LHPP: variants seen among roughly 807,000 people sequenced by gnomAD.
LHPP encodes the protein phospholysine phosphohistidine inorganic pyrophosphate phosphatase, also known as hLHPP.
LHPP carries 24 observed loss-of-function variants against 30.3 expected under a neutral mutation model. The observed-to-expected ratio is 0.79, with a 90% CI of 0.57 to 1.11. The LOEUF is 1.11. Among genes scored for constraint, LHPP ranks in the 50% most tolerant of loss-of-function variants. The pLI, the probability that LHPP is intolerant of heterozygous loss-of-function variation, is 0.00. For synonymous variants in LHPP, 150 were observed against 157.1 expected (o/e 0.95, Z 0.34); for missense variants, 356 against 367.2 (o/e 0.97, Z 0.25).
In LHPP at chr10:124,596,820, T is replaced by C. The variant is rs1052012634; in HGVS notation, c.717-16444T>C. On this transcript the variant is annotated intron_variant, in intron 6 of 6. Coordinates refer to ENST00000368842, the MANE Select transcript of LHPP (RefSeq NM_022126.4). This position sits in a 1 kb window ranked among gnomAD's most constrained non-coding sequence, Gnocchi z 4.6. Reference sequence around the variant, plus strand: ...TGGTGAATATGAGGTGTCAACCTGATTGGATTGAAGGATGCCTAGATGGCT... The same window carrying C: ...TGGTGAATATGAGGTGTCAACCTGACTGGATTGAAGGATGCCTAGATGGCT... 6.6e-6 allele frequency among the ~76,000 whole-genome samples: 1 copy of C among 152,124 alleles called. No homozygotes were observed. The highest frequency in any genetic ancestry group is 2.1e-4 in the South Asian group (1 of 4,826).
At position 124,562,595 on chromosome 10, in the gene LHPP, G is replaced by A. The variant is rs192747852; in HGVS notation, c.716+45324G>A. On this transcript the variant is annotated intron_variant, in intron 6 of 6. Transcript: ENST00000368842. ...AGATGTCATGAGTCACTAGGGTAAC[G>A]CAATTTAAAGCCACAATGAGACATC... Among the ~76,000 whole-genome samples the A allele has an allele frequency of 2.7e-4, 41 of 152,220 alleles. No homozygotes were observed. The East Asian group carries it at 3.3e-3, about 12-fold the overall frequency.
At chr10:124,534,008 G>T (rs1030162164) in intron 6 of LHPP, among the ~76,000 whole-genome samples, 1 of 148,762 alleles carries the variant, frequency 6.7e-6, no homozygotes, top group Non-Finnish European at 1.5e-5. Flanking sequence ...GCCCATGCAG[G>T]CTCTAACGGC....
chr10:124,568,573 G>A (rs1343164032), intron 6 of LHPP, among the ~76,000 whole-genome samples: 2 of 152,184 alleles, frequency 1.3e-5, no homozygotes, highest in African/African-American at 2.4e-5. Flanking sequence ...GTGGCAAGTC[G>A]TGTTCTGCCA....
chr10:124,574,236 C>T (rs570957532), intron 6 of LHPP, among the ~76,000 whole-genome samples: 105 of 152,348 alleles, frequency 6.9e-4, no homozygotes, highest in African/African-American at 2.5e-3. Context: ...GATCTCAGCG[C>T]GCAGCCACAG....
At chr10:124,479,146 G>A (rs187024422) in intron 1 of LHPP, among the ~76,000 whole-genome samples, 2 of 152,124 alleles carry the variant, frequency 1.3e-5, no homozygotes, top group Non-Finnish European at 2.9e-5. Flanking sequence ...TCCTGGGGAG[G>A]AGGCAGCGTG....
intron 1 of LHPP, among the ~76,000 whole-genome samples, chr10:124,476,801 G>T (rs1272707261): frequency 2.0e-5 from 3 of 152,202 alleles, no homozygotes; most frequent in Non-Finnish European, 2.9e-5. Context: ...GCACCTTGTG[G>T]GTTTCAATTC....
At chr10:124,571,377 A>T (rs1446635717) in intron 6 of LHPP, among the ~76,000 whole-genome samples, 2 of 152,230 alleles carry the variant, frequency 1.3e-5, no homozygotes, top group Non-Finnish European at 2.9e-5. Flanking sequence ...TTTTTGAGTA[A>T]CGAGCGGCCA....
In LHPP at chr10:124,496,831, G is replaced by C; in HGVS notation, c.468-130G>C. On this transcript the variant is annotated intron_variant, in intron 3 of 6. Transcript: ENST00000368842. This position sits in a 1 kb window ranked among gnomAD's most constrained non-coding sequence, Gnocchi z 4.3. ...TGCGGTCATTCTCAGCGTAGCGCCT[G>C]GACTGCCCCTCAGCCGCGGCTTGGC... 1 of 773,470 alleles carries C rather than the reference G, an allele frequency of 1.3e-6. No individual in the cohort carries two copies. The highest frequency in any genetic ancestry group is 2.2e-6 in the Non-Finnish European group (1 of 463,566). The allele number at this position is 773,470 out of a possible 1,614,324, so 47.9% of individuals were successfully genotyped here.
At chr10:124,575,368 G>A (rs1200784912) in intron 6 of LHPP, among the ~76,000 whole-genome samples, 5 of 152,164 alleles carry the variant, frequency 3.3e-5, no homozygotes, top group Non-Finnish European at 7.4e-5. Flanking sequence ...GCACACTGGG[G>A]CTTAGGGCTT....
intron 6 of LHPP, among the ~76,000 whole-genome samples, chr10:124,610,338 A>ATGGAGCGGGTGAGGGTGCTGG (rs1949157045): frequency 3.8e-5 from 1 of 26,086 alleles, no homozygotes; most frequent in Non-Finnish European, 8.3e-5. Context: ...GAGGGTGCTG[A>ATGGAGCGGGTGAGGGTGCTGG]TGGAGCGGGT....
rs1954663879 is a variant in LHPP, at chr10:124,523,674, C to G, written c.716+6403C>G. Among the ~76,000 whole-genome samples the G allele has an allele frequency of 1.3e-5, 2 of 152,258 alleles. No homozygotes were observed. The highest frequency in any genetic ancestry group is 4.2e-4 in the South Asian group (2 of 4,814). ...GCAGGGGGGTCCAGGCTGTGGTGGC[C>G]CTGGTCAGCCTTCCAGGAGTCAGGA... On this transcript the variant is annotated intron_variant, in intron 6 of 6. Transcript: ENST00000368842. This position sits in a 1 kb window ranked among gnomAD's most constrained non-coding sequence, Gnocchi z 4.2.
At chr10:124,582,234 C>T (rs755055122) in intron 6 of LHPP, among the ~76,000 whole-genome samples, 50 of 152,298 alleles carry the variant, frequency 3.3e-4, no homozygotes, top group Middle Eastern at 3.4e-3. Flanking sequence ...GTATGCACCA[C>T]CATTCTTGGT....
At chr10:124,572,467 C>T (rs1424095011) in intron 6 of LHPP, among the ~76,000 whole-genome samples, 1 of 151,994 alleles carries the variant, frequency 6.6e-6, no homozygotes, top group Non-Finnish European at 1.5e-5. Flanking sequence ...CCTGTCAATA[C>T]TAAAGATACA....
Position 124,461,908 on chromosome 10 carries a change from C to T in LHPP, c.46C>T (p.Leu16Phe). Residue 16 changes from leucine to phenylalanine, a missense_variant, in exon 1 of 7, where the codon CTT becomes TTT. By Grantham distance (22) the Leu-to-Phe change is conservative. Coordinates refer to ENST00000368842, the MANE Select transcript of LHPP (RefSeq NM_022126.4). Reference protein sequence around the residue: ...KRLAGVRGVLLDISGVLYDSG... With the variant: ...KRLAGVRGVLFDISGVLYDSG... ...GCTGGCTGGCGTGCGCGGGGTGCTG[C>T]TTGACATCTCGGGCGTGCTGTACGA... 7.2e-6 allele frequency: 9 copies of T among 1,256,382 alleles called. No individual in the cohort carries two copies. The highest frequency in any genetic ancestry group is 9.0e-6 in the Non-Finnish European group (9 of 997,212). 77.8% of individuals were successfully genotyped at this position (1,256,382 alleles called of 1,614,324 possible).
At chr10:124,606,799 C>T (rs1268752360) in intron 6 of LHPP, among the ~76,000 whole-genome samples, 2 of 152,182 alleles carry the variant, frequency 1.3e-5, no homozygotes, top group African/African-American at 4.8e-5. Flanking sequence ...CAGGGAAGGG[C>T]GGAGGGGCTT....
At chr10:124,569,123 G>A (rs1041921917) in intron 6 of LHPP, among the ~76,000 whole-genome samples, 4 of 152,204 alleles carry the variant, frequency 2.6e-5, no homozygotes, top group African/African-American at 9.6e-5. Flanking sequence ...CACTGCCTGG[G>A]TGGGGCTCAT....
intron 6 of LHPP, among the ~76,000 whole-genome samples, chr10:124,533,983 C>T (rs1335511173): frequency 6.6e-6 from 1 of 151,542 alleles, no homozygotes. Context: ...CCACATCTGC[C>T]CTGGTCGATG....
intron 6 of LHPP, among the ~76,000 whole-genome samples, chr10:124,535,572 CA>C (rs1275689672): frequency 8.5e-6 from 1 of 118,326 alleles, no homozygotes; most frequent in Non-Finnish European, 1.8e-5. Flanking sequence ...ATTAAAAAAA[CA>C]TTTTTTTTTT....
At chr10:124,547,009 G>T (rs562940922) in intron 6 of LHPP, among the ~76,000 whole-genome samples, 1 of 139,492 alleles carries the variant, frequency 7.2e-6, no homozygotes, top group Non-Finnish European at 1.5e-5. Flanking sequence ...AACCCTTCAG[G>T]CTTCTTTTTC....
Sources: gnomAD v4.1 joint callset for allele counts (sites outside exome capture counted in the v4.1 genomes callset) on GRCh38, gnomAD v4.1.1 for gene constraint, Gnocchi (gnomAD v3.1) non-coding constraint, MANE v1.5 for transcripts, NCBI Gene and HGNC (gene_info 2026-07-23, HGNC 2026-07-21) for gene names.